The following FAM135A variants were observed in gnomAD, a reference collection of about 807,000 sequenced individuals.
The protein encoded by FAM135A is protein FAM135A.
FAM135A carries 79 observed loss-of-function variants against 146.8 expected under a neutral mutation model. That is an observed-to-expected ratio of 0.54 (90% CI 0.45 to 0.65). The LOEUF (loss-of-function observed/expected upper bound fraction) is 0.65. FAM135A is among the 30% of genes least tolerant of loss of function. The pLI, the probability that FAM135A is intolerant of heterozygous loss-of-function variation, is 0.00. For synonymous variants in FAM135A, 562 were observed against 603.6 expected, an observed-to-expected ratio of 0.93 and a Z score of 1.01; for missense variants, 1,623 against 1,758.2, an observed-to-expected ratio of 0.92 and a Z score of 1.38.
chr6:70,452,763 A>T (rs535771035), intron 5 of FAM135A, among the ~76,000 whole-genome samples, 192 bp downstream of exon 5: 16 of 152,320 alleles, frequency 1.1e-4, no homozygotes, highest in African/African-American at 3.4e-4. Flanking sequence ...CTTAGATTTC[A>T]TACAATGAGC....
chr6:70,515,795 A>T (rs1425173111), intron 12 of FAM135A, among the ~76,000 whole-genome samples: 2 of 152,158 alleles, frequency 1.3e-5, no homozygotes, highest in East Asian at 3.8e-4. Flanking sequence ...CAGTTGAAAC[A>T]AATGTACCAC....
chr6:70,473,340 T>TA, intron 5 of FAM135A, among the ~76,000 whole-genome samples: 1 of 152,358 alleles, frequency 6.6e-6, no homozygotes, highest in Non-Finnish European at 1.5e-5. Context: ...GTGGTTGTGC[T>TA]ACTCCCAGGC....
Position 70,478,267 on chromosome 6 carries a change from A to G in FAM135A, c.542+935A>G, listed in dbSNP as rs552645973. On this transcript the variant is annotated intron_variant, in intron 8 of 21. Transcript: ENST00000418814. ...CATGGGTAGACAGATTTCTTTCATT[A>G]AAGTAAAAATACAATGCAAGGTCTT... Among the ~76,000 whole-genome samples, 7 of 152,300 alleles carry G rather than the reference A, an allele frequency of 4.6e-5. No individual in the cohort carries two copies. The South Asian group carries it at 1.0e-3, about 23-fold the overall frequency.
chr6:70,481,017 T>C lies in FAM135A; in HGVS notation c.659T>C (p.Leu220Ser). The change falls in exon 9 of 22, where the codon TTA (leucine) becomes TCA (serine). Residue 220 changes from leucine (L) to serine (S), a missense_variant. Transcript: ENST00000418814. Reference sequence around the variant, plus strand: ...TTTGGTATTAACTACACAAAACAGTTATCACCAGATGTAAGAACTGAATAT... The same window carrying C: ...TTTGGTATTAACTACACAAAACAGTCATCACCAGATGTAAGAACTGAATAT... ...VVFGINYTKQ[L>S]SPDGCSFIIA... 6.2e-7 allele frequency: 1 copy of C among 1,600,884 alleles called. No individual in the cohort carries two copies. Among genetic ancestry groups the C allele is most frequent in the South Asian group, 1.1e-5 (1 of 87,978 alleles).
intron 12 of FAM135A, among the ~76,000 whole-genome samples, chr6:70,522,142 C>G (rs1232908833): frequency 2.6e-5 from 4 of 152,172 alleles, no homozygotes; most frequent in Non-Finnish European, 4.4e-5. Flanking sequence ...GTCTCGAACT[C>G]TTGACCTCAG....
intron 5 of FAM135A, among the ~76,000 whole-genome samples, chr6:70,474,766 C>T (rs1376112998): frequency 6.6e-6 from 1 of 152,144 alleles, no homozygotes; most frequent in African/African-American, 2.4e-5. Flanking sequence ...CTTCAATGTT[C>T]AGAATTTTTA....
Position 70,560,209 on chromosome 6 carries a change from T to A in FAM135A, c.*288T>A. On this transcript the variant is annotated 3_prime_UTR_variant, in exon 22 of 22. Coordinates refer to ENST00000418814, the MANE Select transcript of FAM135A (RefSeq NM_001162529.3). ...GAAACTTTAAGCCCATACCTGTGTC[T>A]GATTGTTTATTATTGGCTTTCCACA... The A allele has an allele frequency of 3.8e-6, 1 of 265,278 alleles. No individual in the cohort carries two copies. The highest frequency in any genetic ancestry group is 5.1e-5 in the Admixed American group (1 of 19,640). The allele number at this position is 265,278 out of a possible 1,614,324, so 16.4% of individuals were successfully genotyped here. A position where few individuals can be genotyped will look rare whatever the true frequency, so the allele number is the denominator to read the frequency against.
intron 5 of FAM135A, among the ~76,000 whole-genome samples, chr6:70,469,347 T>C (rs938664633): frequency 1.3e-5 from 2 of 152,222 alleles, no homozygotes; most frequent in Non-Finnish European, 2.9e-5. Context: ...TTATTATATG[T>C]AAGTCACTGG....
intron 12 of FAM135A, among the ~76,000 whole-genome samples, chr6:70,509,239 G>C (rs1258648621): frequency 6.6e-6 from 1 of 152,060 alleles, no homozygotes; most frequent in Admixed American, 6.5e-5. Context: ...TTTACAACCA[G>C]CCTGGGCAAC....
At chr6:70,445,850 G>A (rs986238706) in intron 4 of FAM135A, among the ~76,000 whole-genome samples, 2 of 148,818 alleles carry the variant, frequency 1.3e-5, no homozygotes, top group East Asian at 2.0e-4. Context: ...GATTCGGGGC[G>A]GGGGGGGCTG....
intron 5 of FAM135A, among the ~76,000 whole-genome samples, chr6:70,462,663 G>A (rs1446650902): frequency 2.0e-5 from 3 of 151,594 alleles, no homozygotes; most frequent in East Asian, 1.9e-4. Flanking sequence ...ATTTGACCAG[G>A]TTTTTTCTAA....
intron 18 of FAM135A, among the ~76,000 whole-genome samples, chr6:70,535,501 C>T (rs1489719162): frequency 6.6e-6 from 1 of 151,986 alleles, no homozygotes; most frequent in Non-Finnish European, 1.5e-5. Context: ...GATTTGTGAA[C>T]GCTATTTTAA....
chr6:70,426,201 A>C (rs1310772170), intron 2 of FAM135A, among the ~76,000 whole-genome samples: 1 of 152,112 alleles, frequency 6.6e-6, no homozygotes, highest in Admixed American at 6.5e-5. Context: ...AAAGTACTCT[A>C]TTTGTTATTG....
At chr6:70,452,356 A>G in intron 4 of FAM135A, 136 bp from the exon 5 acceptor site, 2 of 637,518 alleles carry the variant, frequency 3.1e-6, no homozygotes, top group South Asian at 2.1e-5. Context: ...TTTTTTTCCA[A>G]CAATAGTAAA....
At chr6:70,534,013 A>G (rs1360253950) in intron 18 of FAM135A, among the ~76,000 whole-genome samples, 159 bp downstream of exon 18, 1 of 152,136 alleles carries the variant, frequency 6.6e-6, no homozygotes, top group African/African-American at 2.4e-5. Context: ...GGAAAGATTT[A>G]TATGAAATGT....
chr6:70,484,193 A>G (rs1477061560), intron 10 of FAM135A, among the ~76,000 whole-genome samples: 1 of 152,204 alleles, frequency 6.6e-6, no homozygotes, highest in Non-Finnish European at 1.5e-5. Context: ...TCTCACAGCA[A>G]CAGTATTAAG....
chr6:70,538,575 A>G (rs1338724578), intron 20 of FAM135A, among the ~76,000 whole-genome samples, 174 bp downstream of exon 20: 1 of 152,072 alleles, frequency 6.6e-6, no homozygotes, highest in African/African-American at 2.4e-5. Flanking sequence ...CAGTTGAAAG[A>G]GATTTCTTTA....
intron 4 of FAM135A, among the ~76,000 whole-genome samples, chr6:70,435,102 TA>T (rs58002856): frequency 0.015 from 1,611 of 110,638 alleles, 17 homozygotes; most frequent in Non-Finnish European, 0.021. Context: ...TATATATATA[TA>T]TATATATTTT....
intron 20 of FAM135A, among the ~76,000 whole-genome samples, chr6:70,554,139 G>A (rs1233482232): frequency 6.6e-6 from 1 of 152,064 alleles, no homozygotes; most frequent in South Asian, 2.1e-4. Context: ...TTAGAGAGAT[G>A]AGTAAAGAAT....
Sources: gnomAD v4.1 joint callset for allele counts (sites outside exome capture counted in the v4.1 genomes callset) on GRCh38, gnomAD v4.1.1 for gene constraint, MANE v1.5 for transcripts, NCBI Gene and HGNC (gene_info 2026-07-23, HGNC 2026-07-21) for gene names.